GLB1: variants seen among roughly 807,000 people sequenced by gnomAD.
GLB1 encodes beta-galactosidase.
In GLB1, 56 loss-of-function variants were observed where a neutral mutation model predicts 74.0. The ratio of observed to expected loss-of-function variants is 0.76; its 90% CI spans 0.61 to 0.94. The LOEUF (loss-of-function observed/expected upper bound fraction) is 0.94. GLB1 is among the 40% of genes least tolerant of loss of function. The probability of loss-of-function intolerance (pLI) is 0.00; values close to 1 mark genes in which losing one functional copy is unlikely to be tolerated. For missense variants in GLB1, 787 were observed against 845.5 expected, an observed-to-expected ratio of 0.93 and a Z score of 0.86; for synonymous variants, 323 against 323.6, an observed-to-expected ratio of 1.00 and a Z score of 0.02.
At chr3:32,981,485 C>T in the GLB1 span, among the ~76,000 whole-genome samples, 5 of 151,418 alleles carry the variant, frequency 3.3e-5, no homozygotes, top group South Asian at 4.2e-4. Context: ...ATATTTTGCC[C>T]GATACTGACC....
In GLB1 at chr3:33,097,022, G is replaced by A. The variant is rs1043511313; in HGVS notation, c.64C>T (p.Arg22Cys). The change falls in exon 1 of 16, where the codon CGC becomes TGC. Residue 22 changes from arginine to cysteine, a missense_variant. Physicochemically the swap from Arg to Cys is radical, Grantham distance 180 (BLOSUM62 -3). Transcript: ENST00000307363. ...TCCCGCAGACTTACGCGCAAGCCGC[G>A]CGTAGGGCCCAGAAGCAGCAGAACC... Reference protein sequence around the residue: ...LLVLLLLGPTRGLRNATQRMF... With the variant: ...LLVLLLLGPTCGLRNATQRMF... 1 of 1,612,316 alleles carries A rather than the reference G, an allele frequency of 6.2e-7. No individual in the cohort carries two copies. The highest frequency in any genetic ancestry group is 8.5e-7 in the Non-Finnish European group (1 of 1,178,994).
intron 1 of GLB1, chr3:33,094,131 A>C: frequency 6.2e-7 from 1 of 1,613,828 alleles, no homozygotes; most frequent in South Asian, 1.1e-5. Context: ...GATCATGGAC[A>C]CGAAGACAGT....
chr3:33,084,360 G>C (rs1286944183), intron 1 of GLB1, among the ~76,000 whole-genome samples: 2 of 152,200 alleles, frequency 1.3e-5, no homozygotes, highest in Non-Finnish European at 2.9e-5. Context: ...GATTACATCA[G>C]AGCTAAGAGC....
intron 1 of GLB1, among the ~76,000 whole-genome samples, chr3:33,086,874 A>G (rs927402230): frequency 1.3e-5 from 2 of 152,098 alleles, no homozygotes; most frequent in Admixed American, 6.5e-5. Context: ...TTCAAACAAA[A>G]TAACTATAAA....
chr3:33,023,922 A>G (rs1265050589), intron 11 of GLB1, among the ~76,000 whole-genome samples: 1 of 152,172 alleles, frequency 6.6e-6, no homozygotes, highest in African/African-American at 2.4e-5. Context: ...CAGCCATAAC[A>G]ATGAGGTGGC....
At position 33,086,961 on chromosome 3, in the gene GLB1, AAAGAG is replaced by A. The variant is rs1418006267; in HGVS notation, c.75+10045_75+10049del. On this transcript the variant is annotated intron_variant, in intron 1 of 15. Transcript: ENST00000307363. ...TAAAATATTAGAGTAGAAATAAACAAAAGAGAATAGAAAGATAGTAGGAAAAAAAA... is the reference window on the plus strand; with the variant it reads ...TAAAATATTAGAGTAGAAATAAACAAAATAGAAAGATAGTAGGAAAAAAAA... Among the ~76,000 whole-genome samples the A allele has an allele frequency of 1.3e-4, 20 of 152,130 alleles. No homozygotes were observed. In the South Asian group the frequency reaches 3.9e-3, roughly 30 times the overall value.
intron 10 of GLB1, chr3:33,030,939 T>C: frequency 1.9e-6 from 1 of 520,124 alleles, no homozygotes; most frequent in Non-Finnish European, 2.5e-6. Context: ...TATATTTTTA[T>C]GGTTCATCCT....
intron 1 of GLB1, chr3:33,094,262 G>C: frequency 6.6e-7 from 1 of 1,524,798 alleles, no homozygotes; most frequent in East Asian, 2.3e-5. Context: ...GAGTTCCTTA[G>C]AAAGGACAGT....
At chr3:33,085,896 ACT>A (rs1208780594) in intron 1 of GLB1, among the ~76,000 whole-genome samples, 8 of 139,866 alleles carry the variant, frequency 5.7e-5, no homozygotes, top group East Asian at 2.2e-4. Flanking sequence ...ACAAAGAGAG[ACT>A]CTGTCTCTAC....
chr3:33,034,573 C>G, intron 10 of GLB1: 1 of 721,476 alleles, frequency 1.4e-6, no homozygotes, highest in Non-Finnish European at 2.6e-6. Context: ...TCATCTGGAC[C>G]TGTGATGATG....
intron 12 of GLB1, among the ~76,000 whole-genome samples, chr3:33,020,619 G>A (rs1321053154): frequency 1.3e-5 from 2 of 152,144 alleles, no homozygotes; most frequent in African/African-American, 4.8e-5. Flanking sequence ...AGTTTCAGAC[G>A]GAAGAAGACT....
the GLB1 span, among the ~76,000 whole-genome samples, chr3:32,983,425 T>C: frequency 2.0e-5 from 3 of 152,236 alleles, no homozygotes; most frequent in African/African-American, 7.2e-5. Context: ...GTTATTTTAT[T>C]TTGCAGTTTC....
At chr3:33,017,709 T>C (rs1415289983) in intron 13 of GLB1, among the ~76,000 whole-genome samples, 2 of 152,178 alleles carry the variant, frequency 1.3e-5, no homozygotes, top group Non-Finnish European at 2.9e-5. Flanking sequence ...CTTCAGAATA[T>C]AATTTCTCAT....
chr3:33,019,177 T>G (rs991005253), intron 12 of GLB1, among the ~76,000 whole-genome samples: 5 of 152,248 alleles, frequency 3.3e-5, no homozygotes, highest in Admixed American at 3.3e-4. Flanking sequence ...CCATCAGAAC[T>G]GTTTTAAGTG....
intron 1 of GLB1, chr3:33,094,443 T>C: frequency 9.4e-7 from 1 of 1,062,346 alleles, no homozygotes. Context: ...AGCTATACTT[T>C]ATTATTCAAA....
intron 1 of GLB1, chr3:33,077,101 T>C: frequency 1.4e-6 from 2 of 1,407,308 alleles, no homozygotes; most frequent in Non-Finnish European, 1.9e-6. Flanking sequence ...CACCCACTGC[T>C]GCCGCCTCCT....
At position 33,058,119 on chromosome 3, in the gene GLB1, C is replaced by T. The variant is rs766019573; in HGVS notation, c.703G>A (p.Gly235Ser). The part of the protein sequence containing the change: ...KTFLKCGALQ[G>S]LYTTVDFGTG... Reference sequence around the variant, plus strand: ...CCAAAGTCCACCGTGGTGTAGAGGCCCTGCAGGGCCCCACATTTCAGGAAT... The same window carrying T: ...CCAAAGTCCACCGTGGTGTAGAGGCTCTGCAGGGCCCCACATTTCAGGAAT... Residue 235 changes from glycine to serine, a missense_variant, in exon 6 of 16, where the codon GGC (glycine) becomes AGC (serine). Physicochemically the swap from Gly to Ser is moderately conservative, Grantham distance 56. Transcript: ENST00000307363. The T allele has an allele frequency of 2.5e-6, 4 of 1,613,876 alleles. No homozygotes were observed. Among genetic ancestry groups the T allele is most frequent in the Non-Finnish European group, 3.4e-6 (4 of 1,180,036 alleles).
chr3:33,040,649 G>A (rs1200179182), intron 10 of GLB1, among the ~76,000 whole-genome samples: 1 of 151,956 alleles, frequency 6.6e-6, no homozygotes. Flanking sequence ...AAAGTTCCAA[G>A]AAATTCAGCT....
rs61013692 is a variant in GLB1 at position 33,022,564 on chromosome 3, A to ATTTT, written c.1144-913_1144-910dup. Among the ~76,000 whole-genome samples, 332 of 63,754 alleles carry ATTTT rather than the reference A, an allele frequency of 5.2e-3. 42 individuals carry two copies. Among genetic ancestry groups the ATTTT allele is most frequent in the East Asian group, 0.013 (23 of 1,720 alleles). The allele number at this position is 63,754 out of a possible 152,430, so 41.8% of individuals were successfully genotyped here. A position where few individuals can be genotyped will look rare whatever the true frequency, so the allele number is the denominator to read the frequency against. ...TTCCATGACTATAATACTGGTTAGGATTTTTTTTTTTTTTTTTTTGAGAGA... is the reference window on the plus strand; with the variant it reads ...TTCCATGACTATAATACTGGTTAGGATTTTTTTTTTTTTTTTTTTTTTTGAGAGA... On this transcript the variant is annotated intron_variant, in intron 11 of 15. Coordinates refer to ENST00000307363, the MANE Select transcript of GLB1 (RefSeq NM_000404.4).
Sources: allele counts gnomAD v4.1 joint callset (sites outside exome capture counted in the v4.1 genomes callset), GRCh38; gene constraint gnomAD v4.1.1; transcripts MANE v1.5; gene names NCBI Gene and HGNC (gene_info 2026-07-23, HGNC 2026-07-21).